The following CNTN5 variants were observed in gnomAD, a reference collection of about 807,000 sequenced individuals.
CNTN5 encodes the protein contactin-5.
CNTN5 carries 77 observed loss-of-function variants against 129.1 expected under a neutral mutation model. The observed-to-expected ratio is 0.60, with a 90% CI of 0.50 to 0.72. CNTN5 has a LOEUF of 0.72. CNTN5 is among the 30% of genes least tolerant of loss of function. The probability of loss-of-function intolerance (pLI) is 0.00; values close to 1 mark genes in which losing one functional copy is unlikely to be tolerated. For synonymous variants in CNTN5, 509 were observed against 465.6 expected (o/e 1.09, Z -1.20); for missense variants, 1,478 against 1,328.8 (o/e 1.11, Z -1.75).
intron 1 of CNTN5, among the ~76,000 whole-genome samples, chr11:99,297,876 A>G (rs1329348069): frequency 6.6e-6 from 1 of 152,184 alleles, no homozygotes; most frequent in Non-Finnish European, 1.5e-5. Flanking sequence ...TCCCAGTCAG[A>G]TGTAAGAGGT....
At chr11:99,913,146 A>G (rs372514255) in intron 6 of CNTN5, among the ~76,000 whole-genome samples, 3 of 152,156 alleles carry the variant, frequency 2.0e-5, no homozygotes, top group Admixed American at 2.0e-4. Flanking sequence ...GAAGTATTTC[A>G]AAGTTCTCTG....
intron 13 of CNTN5, among the ~76,000 whole-genome samples, chr11:100,096,013 G>T (rs1217850706): frequency 6.6e-6 from 1 of 151,982 alleles, no homozygotes; most frequent in African/African-American, 2.4e-5. Context: ...GCAGAATTAG[G>T]ATTAATTATT....
intron 13 of CNTN5, among the ~76,000 whole-genome samples, chr11:100,097,079 G>A (rs1945035241): frequency 6.6e-6 from 1 of 152,080 alleles, no homozygotes; most frequent in South Asian, 2.1e-4. Context: ...GTAACTTGAT[G>A]AAATATTTTC....
intron 2 of CNTN5, among the ~76,000 whole-genome samples, chr11:99,413,188 G>A (rs998772700): frequency 5.3e-5 from 8 of 152,108 alleles, no homozygotes; most frequent in African/African-American, 1.2e-4. Flanking sequence ...AAGTATTAAC[G>A]GGGAAGGTAT....
At chr11:99,450,158 T>C (rs1290699173) in intron 2 of CNTN5, among the ~76,000 whole-genome samples, 3 of 152,006 alleles carry the variant, frequency 2.0e-5, no homozygotes, top group Non-Finnish European at 4.4e-5. Flanking sequence ...GAGCTCATCA[T>C]ATTACTTTAG....
At chr11:99,776,468 G>A (rs1945128287) in intron 3 of CNTN5, among the ~76,000 whole-genome samples, 1 of 151,342 alleles carries the variant, frequency 6.6e-6, no homozygotes, top group Non-Finnish European at 1.5e-5. Flanking sequence ...GGCCATTTTT[G>A]GGAAAAGAAA....
At chr11:99,340,587 T>C (rs1347523230) in intron 2 of CNTN5, among the ~76,000 whole-genome samples, 1 of 152,196 alleles carries the variant, frequency 6.6e-6, no homozygotes, top group East Asian at 1.9e-4. Flanking sequence ...ACTTTTTATT[T>C]GTTTTGGTGT....
chr11:99,266,106 A>G (rs577039829), intron 1 of CNTN5, among the ~76,000 whole-genome samples: 103 of 152,198 alleles, frequency 6.8e-4, no homozygotes, highest in South Asian at 4.4e-3. Context: ...ATGGTGTTTG[A>G]TCTGTTTCTG....
At chr11:99,154,327 C>T (rs753492871) in intron 1 of CNTN5, among the ~76,000 whole-genome samples, 3 of 152,164 alleles carry the variant, frequency 2.0e-5, no homozygotes, top group Non-Finnish European at 4.4e-5. Flanking sequence ...ACTTGAGACA[C>T]CAGTTGTTGC....
At chr11:99,622,352 G>C (rs575545109) in intron 3 of CNTN5, among the ~76,000 whole-genome samples, 4 of 152,242 alleles carry the variant, frequency 2.6e-5, no homozygotes, top group African/African-American at 9.6e-5. Flanking sequence ...TGACTAAAGA[G>C]AAGAAAGCTT....
chr11:99,793,294 C>T (rs1338803796), intron 3 of CNTN5, among the ~76,000 whole-genome samples: 7 of 152,064 alleles, frequency 4.6e-5, no homozygotes, highest in African/African-American at 7.2e-5. Flanking sequence ...CTCCTGACCT[C>T]GTGATCCACC....
chr11:99,559,507 G>A (rs954280845), intron 3 of CNTN5, among the ~76,000 whole-genome samples: 12 of 152,072 alleles, frequency 7.9e-5, no homozygotes, highest in African/African-American at 2.9e-4. Context: ...TATTGCTACA[G>A]ATATCAAAAT....
intron 3 of CNTN5, among the ~76,000 whole-genome samples, chr11:99,679,962 T>C (rs1246264500): frequency 6.6e-6 from 1 of 152,180 alleles, no homozygotes; most frequent in Non-Finnish European, 1.5e-5. Context: ...GGAGAGAAGA[T>C]GAAACCAGCT....
At chr11:100,146,550 A>G (rs927179294) in intron 13 of CNTN5, among the ~76,000 whole-genome samples, 1 of 152,052 alleles carries the variant, frequency 6.6e-6, no homozygotes, top group Non-Finnish European at 1.5e-5. Context: ...TTTCCCTTGG[A>G]TCTCAGCTTT....
chr11:99,319,985 A>G (rs747241850), intron 1 of CNTN5, among the ~76,000 whole-genome samples: 3 of 152,198 alleles, frequency 2.0e-5, no homozygotes, highest in Non-Finnish European at 2.9e-5. Context: ...CATGCCTGTA[A>G]TCCCAGCATT....
At chr11:100,160,814 T>G (rs1257830407) in intron 13 of CNTN5, among the ~76,000 whole-genome samples, 2 of 151,890 alleles carry the variant, frequency 1.3e-5, no homozygotes, top group African/African-American at 4.8e-5. Context: ...CACTCCTATG[T>G]GGTGGAGAAC....
At chr11:99,491,040 C>T (rs905000897) in intron 2 of CNTN5, among the ~76,000 whole-genome samples, 1 of 152,066 alleles carries the variant, frequency 6.6e-6, no homozygotes, top group African/African-American at 2.4e-5. Context: ...TTCCAGATAG[C>T]ACAGCACGGA....
intron 2 of CNTN5, among the ~76,000 whole-genome samples, chr11:99,347,105 G>A (rs1218410572): frequency 6.6e-6 from 1 of 152,154 alleles, no homozygotes; most frequent in East Asian, 1.9e-4. Flanking sequence ...TTCTTCCAGA[G>A]TTTTTACATC....
intron 1 of CNTN5, among the ~76,000 whole-genome samples, chr11:99,102,649 A>C (rs1866797215): frequency 6.6e-6 from 1 of 152,018 alleles, no homozygotes; most frequent in Admixed American, 6.6e-5. Flanking sequence ...CAAGTTCCTC[A>C]TTTCTGTTTG....
Sources: gnomAD v4.1 joint callset for allele counts (sites outside exome capture counted in the v4.1 genomes callset) on GRCh38, gnomAD v4.1.1 for gene constraint, MANE v1.5 for transcripts, NCBI Gene and HGNC (gene_info 2026-07-23, HGNC 2026-07-21) for gene names.